CRAT: variants seen among roughly 807,000 people sequenced by gnomAD.
CRAT encodes the protein carnitine O-acetyltransferase.
A neutral mutation model predicts 73.7 loss-of-function variants in CRAT; 66 were observed. The observed-to-expected ratio is 0.90, with a 90% CI of 0.73 to 1.10. The LOEUF is 1.10. Among genes scored for constraint, CRAT ranks in the 50% least tolerant of loss-of-function variants. The pLI is 0.00. For missense variants in CRAT, 745 were observed against 846.9 expected (o/e 0.88, Z 1.49); for synonymous variants, 321 against 343.2 (o/e 0.94, Z 0.71).
In CRAT at chr9:129,099,860, A is replaced by C. The variant is rs761708247; in HGVS notation, c.1085+6T>G. The C allele has an allele frequency of 6.8e-6, 11 of 1,607,330 alleles. No individual in the cohort carries two copies. Among genetic ancestry groups the C allele is most frequent in the Non-Finnish European group, 9.4e-6 (11 of 1,174,742 alleles). ...GGAACTAGGCGAGAGATGTGACTGT[A>C]CTCACGTGTACTCGATGACATAGTC... On this transcript the variant is annotated splice_donor_region_variant and intron_variant, in intron 8 of 13. Transcript: ENST00000318080.
rs1418268081 is a variant in CRAT at position 129,100,542 on chromosome 9, C to G, written c.953G>C (p.Ser318Thr). The G allele has an allele frequency of 6.2e-7, 1 of 1,613,618 alleles. No individual in the cohort carries two copies. Among genetic ancestry groups the G allele is most frequent in the African/African-American group, 1.3e-5 (1 of 74,946 alleles). The change falls in exon 7 of 14, where the codon AGC (serine) becomes ACC (threonine). Residue 318 changes from serine (S) to threonine (T), a missense_variant. Transcript: ENST00000318080. ...MLHGGGSRLNSGNRWFDKTLQ... is the reference protein window; with the variant it reads ...MLHGGGSRLNTGNRWFDKTLQ... ...CGTCTTGTCGAACCAGCGGTTGCCG[C>G]TGTTGAGCCTGCTGCCGCCCCCATG...
At chr9:129,099,595 T>A (rs200392283) in intron 8 of CRAT, among the ~76,000 whole-genome samples, 1,796 of 67,186 alleles carry the variant, frequency 0.027, 46 homozygotes, top group East Asian at 0.2. Context: ...CCTGGGTAAT[T>A]TTTTTTTTTT....
At chr9:129,101,216 G>A (rs1005337701) in intron 6 of CRAT, among the ~76,000 whole-genome samples, 7 of 152,252 alleles carry the variant, frequency 4.6e-5, no homozygotes, top group African/African-American at 9.7e-5. Context: ...CCTGCTCCAC[G>A]TTGAGAGGAT....
chr9:129,104,519 T>G (rs1278702207), intron 2 of CRAT, among the ~76,000 whole-genome samples: 1 of 151,478 alleles, frequency 6.6e-6, no homozygotes, highest in Non-Finnish European at 1.5e-5. Flanking sequence ...ATTAGCCAGA[T>G]CAATCCGATG....
intron 6 of CRAT, among the ~76,000 whole-genome samples, chr9:129,101,574 T>C (rs1847674158): frequency 6.6e-6 from 1 of 152,232 alleles, no homozygotes; most frequent in Non-Finnish European, 1.5e-5. Flanking sequence ...AGGAGATTCA[T>C]TTAAACTGCT....
At position 129,095,059 on chromosome 9, in the gene CRAT, G is replaced by A. The variant is rs1009421940; in HGVS notation, c.*338C>T. ...AGGGAGTGGCCGGGGCTGAGCTGGTGAGACAAAGAGCTCTTGCCAGTCTCC... is the reference window on the plus strand; with the variant it reads ...AGGGAGTGGCCGGGGCTGAGCTGGTAAGACAAAGAGCTCTTGCCAGTCTCC... On this transcript the variant is annotated 3_prime_UTR_variant, in exon 14 of 14. Transcript: ENST00000318080. The A allele has an allele frequency of 2.2e-5, 8 of 358,234 alleles. No homozygotes were observed. Among genetic ancestry groups the A allele is most frequent in the Admixed American group, 1.3e-4 (3 of 23,594 alleles). The allele number at this position is 358,234 out of a possible 1,614,324, so 22.2% of individuals were successfully genotyped here. A position where few individuals can be genotyped will look rare whatever the true frequency, so the allele number is the denominator to read the frequency against.
In CRAT at chr9:129,101,894, G is replaced by A. The variant is rs367866636; in HGVS notation, c.794C>T (p.Thr265Ile). 1 of 1,613,950 alleles carries A rather than the reference G, an allele frequency of 6.2e-7. No individual in the cohort carries two copies. Among genetic ancestry groups the A allele is most frequent in the Non-Finnish European group, 8.5e-7 (1 of 1,179,932 alleles). The change falls in exon 6 of 14, where the codon ACC (threonine) becomes ATC (isoleucine). Residue 265 changes from threonine to isoleucine, a missense_variant. Coordinates refer to ENST00000318080, the MANE Select transcript of CRAT (RefSeq NM_000755.5). ...HRNSWAKAYN[T>I]LIKDKVNRDS... ...CCCCCAAGAGGCACCTTTGATGAGG[G>A]TGTTGTATGCCTTGGCCCAGGAGTT... is the stretch of plus-strand genomic sequence containing the variant.
chr9:129,095,797 T>A (rs1036378948), intron 13 of CRAT, among the ~76,000 whole-genome samples, 185 bp from the exon 14 acceptor site: 1 of 152,234 alleles, frequency 6.6e-6, no homozygotes, highest in African/African-American at 2.4e-5. Flanking sequence ...ACCTGACCAG[T>A]GAGTCAGCGA....
chr9:129,108,513 G>A, intron 1 of CRAT: 2 of 1,164,348 alleles, frequency 1.7e-6, no homozygotes, highest in Non-Finnish European at 2.2e-6. Flanking sequence ...GAAGAAGAGA[G>A]AATCACAGAG....
intron 7 of CRAT, 33 bp from the exon 8 acceptor site, chr9:129,099,999 C>T: frequency 3.1e-6 from 5 of 1,602,538 alleles, no homozygotes; most frequent in Admixed American, 1.7e-5. Flanking sequence ...CGGTCAGCCC[C>T]AGGGCCCTGG....
In CRAT at chr9:129,103,448, G is replaced by A. The variant is rs1257996785; in HGVS notation, c.411-382C>T. 6.7e-6 allele frequency among the ~76,000 whole-genome samples: 1 copy of A among 150,220 alleles called. No homozygotes were observed. Among genetic ancestry groups the A allele is most frequent in the Non-Finnish European group, 1.5e-5 (1 of 67,402 alleles). Reference sequence around the variant, plus strand: ...GGGGTGTCATCTGCTCTGAAGCATCGGTTCTGGAGGCCCCGGGCCCCTGGG... The same window carrying A: ...GGGGTGTCATCTGCTCTGAAGCATCAGTTCTGGAGGCCCCGGGCCCCTGGG... On this transcript the variant is annotated intron_variant, in intron 3 of 13. Coordinates refer to ENST00000318080, the MANE Select transcript of CRAT (RefSeq NM_000755.5). The surrounding 1 kb of genome is among the most constrained non-coding windows in gnomAD (Gnocchi z 4.6).
At chr9:129,105,174 G>A (rs1338489800) in intron 2 of CRAT, among the ~76,000 whole-genome samples, 3 of 152,170 alleles carry the variant, frequency 2.0e-5, no homozygotes, top group Admixed American at 2.0e-4. Context: ...CAAAGTGCTG[G>A]GATTACAGGC....
chr9:129,110,696 A>C lies in CRAT; in HGVS notation c.-187T>G, dbSNP rs3118624. On this transcript the variant is annotated 5_prime_UTR_variant, in exon 1 of 14. Coordinates refer to ENST00000318080, the MANE Select transcript of CRAT (RefSeq NM_000755.5). The surrounding 1 kb of genome is among the most constrained non-coding windows in gnomAD (Gnocchi z 5.3). The stretch of plus-strand genomic sequence containing the variant: ...CCCTCTGGGCCGAGCGGGCTGCGGG[A>C]AGGCACCCGGGGAGGAGGACTCGCG... 747,276 of 748,096 alleles carry C rather than the reference A, an allele frequency of 1. 373,236 individuals carry two copies. Among genetic ancestry groups the C allele is most frequent in the Middle Eastern group, 1 (2,448 of 2,448 alleles). 46.3% of individuals were successfully genotyped at this position (748,096 alleles called of 1,614,324 possible). A position where few individuals can be genotyped will look rare whatever the true frequency, so the allele number is the denominator to read the frequency against.
Position 129,103,015 on chromosome 9 carries a change from G to C in CRAT, c.462C>G (p.Asp154Glu), listed in dbSNP as rs980786061. ...TGGGCAGGGGTGGGGATGCTCACTT[G>C]TCAATCATGACCTTGAAATCCAACA... ...EGVLDFKVMI[D>E]NETLPVEYLG... Residue 154 changes from aspartate to glutamate, a missense_variant and splice_region_variant, in exon 4 of 14, where the codon GAC becomes GAG. By Grantham distance (45) the Asp-to-Glu change is conservative (BLOSUM62 2). Coordinates refer to ENST00000318080, the MANE Select transcript of CRAT (RefSeq NM_000755.5). The surrounding 1 kb of genome is among the most constrained non-coding windows in gnomAD (Gnocchi z 4.6). 7 of 1,613,788 alleles carry C rather than the reference G, an allele frequency of 4.3e-6. No homozygotes were observed. The highest frequency in any genetic ancestry group is 1.7e-5 in the Admixed American group (1 of 60,000).
At chr9:129,097,382 C>G in intron 11 of CRAT, 70 bp from the exon 12 acceptor site, 1 of 1,208,816 alleles carries the variant, frequency 8.3e-7, no homozygotes. Context: ...AGTAGCCCAC[C>G]CCCACCCAGC....
rs1332258245 is a variant in CRAT, at chr9:129,097,320, G to A, written c.1465-8C>T. 1.9e-6 allele frequency: 3 copies of A among 1,562,948 alleles called. No homozygotes were observed. Among genetic ancestry groups the A allele is most frequent in the South Asian group, 2.4e-5 (2 of 84,574 alleles). On this transcript the variant is annotated splice_polypyrimidine_tract_variant and splice_region_variant and intron_variant, in intron 11 of 13. Coordinates refer to ENST00000318080, the MANE Select transcript of CRAT (RefSeq NM_000755.5). ...CTCCACCTTCTGGTGCTCCTAGAGT[G>A]GTGAGGGTCAGAGGGAGCTGAAGCA...
intron 4 of CRAT, among the ~76,000 whole-genome samples, 157 bp from the exon 5 acceptor site, chr9:129,102,722 G>A (rs751133807): frequency 7.2e-5 from 11 of 152,288 alleles, no homozygotes; most frequent in Middle Eastern, 3.4e-3. Flanking sequence ...CTGTGGGCAG[G>A]GGGCTCGCTT....
chr9:129,099,142 C>CTTT (rs58079634), intron 8 of CRAT, among the ~76,000 whole-genome samples: 1 of 130,356 alleles, frequency 7.7e-6, no homozygotes, highest in Admixed American at 8.3e-5. Flanking sequence ...GCGTGGCTAA[C>CTTT]TTTTTTTTTT....
intron 13 of CRAT, 54 bp from the exon 14 acceptor site, chr9:129,095,666 C>T: frequency 6.5e-7 from 1 of 1,543,682 alleles, no homozygotes; most frequent in Non-Finnish European, 8.8e-7. Flanking sequence ...GCCCCCAGCA[C>T]TTCCCAGGCT....
Sources: allele counts gnomAD v4.1 joint callset (sites outside exome capture counted in the v4.1 genomes callset), GRCh38; gene constraint gnomAD v4.1.1; non-coding constraint Gnocchi (gnomAD v3.1); transcripts MANE v1.5; gene names NCBI Gene and HGNC (gene_info 2026-07-23, HGNC 2026-07-21).